Variants in AGPS observed in about 807,000 individuals in gnomAD.
AGPS encodes the protein alkylglycerone phosphate synthase.
A neutral mutation model predicts 90.7 loss-of-function variants in AGPS; 26 were observed. The observed-to-expected ratio is 0.29, with a 90% CI of 0.21 to 0.40. The LOEUF is 0.40. AGPS is among the 10% of genes least tolerant of loss of function. AGPS has a pLI of 1.00. For missense variants in AGPS, 540 were observed against 816.1 expected (o/e 0.66, Z 4.12); for synonymous variants, 294 against 285.3 (o/e 1.03, Z -0.31).
intron 6 of AGPS, chr2:177,441,355 C>A: frequency 3.8e-6 from 1 of 262,928 alleles, no homozygotes. Context: ...TTTTCTTTTT[C>A]AAAAGCTAAA....
At chr2:177,511,407 GATTT>G (rs1688868170) in intron 16 of AGPS, among the ~76,000 whole-genome samples, 2 of 151,968 alleles carry the variant, frequency 1.3e-5, no homozygotes, top group Non-Finnish European at 2.9e-5. Context: ...CGATGTTACA[GATTT>G]TGGAGACACC....
intron 1 of AGPS, among the ~76,000 whole-genome samples, chr2:177,397,132 TTTC>T (rs1685202959): frequency 6.6e-6 from 1 of 151,876 alleles, no homozygotes. Flanking sequence ...AGAGATGGGG[TTTC>T]ACCATCTTGG....
At chr2:177,505,641 A>C (rs1574017850) in intron 15 of AGPS, 66 bp downstream of exon 15, 6 of 1,394,070 alleles carry the variant, frequency 4.3e-6, no homozygotes, top group Non-Finnish European at 6.1e-6. Flanking sequence ...TCTTACTTTA[A>C]GTGAATGCAA....
chr2:177,439,989 A>T (rs1686550261), intron 5 of AGPS, among the ~76,000 whole-genome samples: 1 of 152,172 alleles, frequency 6.6e-6, no homozygotes, highest in South Asian at 2.1e-4. Flanking sequence ...TTAGTTCTGT[A>T]CAAAGGAAAG....
At chr2:177,457,528 A>G (rs560732485) in intron 8 of AGPS, among the ~76,000 whole-genome samples, 56 of 152,326 alleles carry the variant, frequency 3.7e-4, no homozygotes, top group African/African-American at 1.2e-3. Flanking sequence ...AGAAATACAA[A>G]CTACCATCAG....
chr2:177,459,363 C>CT (rs940901330), intron 8 of AGPS, among the ~76,000 whole-genome samples: 2 of 152,140 alleles, frequency 1.3e-5, no homozygotes, highest in African/African-American at 4.8e-5. Context: ...GCAAAAGAAA[C>CT]TATCATCAGA....
intron 8 of AGPS, among the ~76,000 whole-genome samples, chr2:177,456,147 T>C (rs1687103158): frequency 6.6e-6 from 1 of 152,204 alleles, no homozygotes; most frequent in Non-Finnish European, 1.5e-5. Flanking sequence ...ATTGTGCCAT[T>C]ATACTCCAGT....
At chr2:177,509,624 T>C (rs10930794) in intron 16 of AGPS, among the ~76,000 whole-genome samples, 146,347 of 149,296 alleles carry the variant, frequency 0.98, 71,785 homozygotes, top group East Asian at 1. Context: ...CGAGATCATG[T>C]CACTGCACTC....
chr2:177,440,474 G>A (rs1686568401), intron 5 of AGPS, among the ~76,000 whole-genome samples: 1 of 152,044 alleles, frequency 6.6e-6, no homozygotes, highest in Non-Finnish European at 1.5e-5. Context: ...TGAAATAACT[G>A]ACCATTGTTC....
intron 10 of AGPS, among the ~76,000 whole-genome samples, chr2:177,470,828 T>G (rs1687596913): frequency 6.6e-6 from 1 of 152,104 alleles, no homozygotes; most frequent in Non-Finnish European, 1.5e-5. Flanking sequence ...TAAAAGAGCA[T>G]GAACCATGAA....
At chr2:177,508,119 T>C (rs1180630462) in intron 16 of AGPS, 88 bp downstream of exon 16, 2 of 979,400 alleles carry the variant, frequency 2.0e-6, no homozygotes. Context: ...ATATGTAAGT[T>C]TAAAACATTT....
rs1361014222 is a variant in AGPS, at chr2:177,523,770, T to G, written c.1820T>G (p.Leu607Arg). The change falls in exon 19 of 20, where the codon CTT becomes CGT. Residue 607 changes from leucine to arginine, a missense_variant. By Grantham distance (102) the Leu-to-Arg change is moderately radical (BLOSUM62 -2). This residue lies in a region of AGPS where 405 missense variants were observed against 692.1 expected (regional missense o/e 0.59). Coordinates refer to ENST00000264167, the MANE Select transcript of AGPS (RefSeq NM_003659.4). ...QTEAAAREEI[L>R]ANGGSLSHHH... ...CAGGCAGCTGCTAGAGAAGAAATCC[T>G]TGCTAATGGAGGGAGCCTGTCACAT... 1 of 1,613,948 alleles carries G rather than the reference T, an allele frequency of 6.2e-7. No homozygotes were observed. Among genetic ancestry groups the G allele is most frequent in the Non-Finnish European group, 8.5e-7 (1 of 1,179,920 alleles).
chr2:177,530,760 A>C (rs2079130758), intron 19 of AGPS, among the ~76,000 whole-genome samples: 1 of 152,216 alleles, frequency 6.6e-6, no homozygotes, highest in South Asian at 2.1e-4. Flanking sequence ...TTTGTGTATC[A>C]GAGAAAACAG....
In AGPS at chr2:177,416,216, A is replaced by G. The variant is rs78688839; in HGVS notation, c.261-4053A>G. Among the ~76,000 whole-genome samples the G allele has an allele frequency of 2.2e-3, 329 of 152,302 alleles. 14 individuals carry two copies. The East Asian group carries it at 0.058, about 27-fold the overall frequency. On this transcript the variant is annotated intron_variant, in intron 1 of 19. Transcript: ENST00000264167. ...AAAGTGAAAATTTCCCATTTTAAGAATAAAGAAACTCTTTATGGTTTTTAT... is the reference window on the plus strand; with the variant it reads ...AAAGTGAAAATTTCCCATTTTAAGAGTAAAGAAACTCTTTATGGTTTTTAT...
intron 8 of AGPS, among the ~76,000 whole-genome samples, chr2:177,461,002 A>G (rs1460646991): frequency 2.0e-5 from 3 of 152,248 alleles, no homozygotes; most frequent in Admixed American, 6.5e-5. Flanking sequence ...CTTAAATACA[A>G]ATATACAGAC....
chr2:177,499,047 T>C (rs566161665), intron 13 of AGPS, among the ~76,000 whole-genome samples: 15 of 152,036 alleles, frequency 9.9e-5, no homozygotes, highest in African/African-American at 3.4e-4. Flanking sequence ...GGAGAAATAT[T>C]GACTGGTTTA....
At chr2:177,536,811 T>C (rs532221612) in intron 19 of AGPS, among the ~76,000 whole-genome samples, 3 of 152,316 alleles carry the variant, frequency 2.0e-5, no homozygotes, top group African/African-American at 7.2e-5. Flanking sequence ...GTATTTATTA[T>C]TTTGATGACA....
chr2:177,396,942 C>CTTTTTTCTT lies in AGPS; in HGVS notation c.260+3899_260+3900insCTTTTTTTT, dbSNP rs1553504873. Among the ~76,000 whole-genome samples the CTTTTTTCTT allele has an allele frequency of 6.7e-4, 94 of 140,520 alleles. 2 individuals carry two copies. The South Asian group carries it at 0.014, about 21-fold the overall frequency. The allele number at this position is 140,520 out of a possible 152,430, so 92.2% of individuals were successfully genotyped here. On this transcript the variant is annotated intron_variant, in intron 1 of 19. Transcript: ENST00000264167. ...GGCACCAATTACTTCTTTTTCTTTT[C>CTTTTTTCTT]TTTTTTTTTTTTTTGCTATGGAGTC...
chr2:177,393,405 G>A (rs1319229817), intron 1 of AGPS: 1 of 985,252 alleles, frequency 1.0e-6, no homozygotes, highest in Non-Finnish European at 1.2e-6. Context: ...GGTAGCAGAG[G>A]TTCTATTTTT....
Sources: allele counts gnomAD v4.1 joint callset (sites outside exome capture counted in the v4.1 genomes callset), GRCh38; gene constraint gnomAD v4.1.1; regional missense constraint gnomAD v4.1.1; transcripts MANE v1.5; gene names NCBI Gene and HGNC (gene_info 2026-07-23, HGNC 2026-07-21).